The following ART3 variants were observed in gnomAD, a reference collection of about 807,000 sequenced individuals.
The protein encoded by ART3 is ecto-ADP-ribosyltransferase 3.
Under a neutral mutation model 48.5 loss-of-function variants are expected in ART3, and 49 were observed. The observed-to-expected ratio is 1.01, with a 90% CI of 0.80 to 1.28. ART3 has a LOEUF of 1.28. Among genes scored for constraint, ART3 ranks in the 50% most tolerant of loss-of-function variants. The pLI, the probability that ART3 is intolerant of heterozygous loss-of-function variation, is 0.00. For synonymous variants in ART3, 145 were observed against 157.2 expected, an observed-to-expected ratio of 0.92 and a Z score of 0.58; for missense variants, 438 against 454.3, an observed-to-expected ratio of 0.96 and a Z score of 0.33.
chr4:76,066,313 GGAA>G (rs1325767038), intron 1 of ART3, among the ~76,000 whole-genome samples: 5 of 152,112 alleles, frequency 3.3e-5, no homozygotes, highest in South Asian at 2.1e-4. Flanking sequence ...TGAAGGGTGA[GGAA>G]GAAGAAGAGG....
chr4:76,063,688 G>A (rs937095037), intron 1 of ART3, among the ~76,000 whole-genome samples: 4 of 152,074 alleles, frequency 2.6e-5, no homozygotes. Flanking sequence ...CAGAGACTCG[G>A]AGAACATAAA....
intron 3 of ART3, among the ~76,000 whole-genome samples, chr4:76,090,811 A>G (rs1578520134): frequency 6.6e-6 from 1 of 152,360 alleles, no homozygotes; most frequent in East Asian, 1.9e-4. Context: ...ATATATGTAT[A>G]TGCCAATGAA....
intron 3 of ART3, among the ~76,000 whole-genome samples, chr4:76,088,857 G>T (rs1332326191): frequency 1.3e-5 from 2 of 152,070 alleles, no homozygotes; most frequent in Non-Finnish European, 2.9e-5. Flanking sequence ...GTCAGACACT[G>T]GGTGAACTAC....
At chr4:76,053,752 C>A (rs1461523529) in intron 1 of ART3, among the ~76,000 whole-genome samples, 12 of 152,124 alleles carry the variant, frequency 7.9e-5, no homozygotes, top group Admixed American at 7.9e-4. Flanking sequence ...ATAGACTAAC[C>A]CTCTTTTCCA....
intron 1 of ART3, among the ~76,000 whole-genome samples, chr4:76,024,594 G>A (rs1733199212): frequency 1.3e-5 from 2 of 152,186 alleles, no homozygotes; most frequent in South Asian, 4.1e-4. Context: ...GAACCTGAGA[G>A]TGGAAATTTA....
intron 1 of ART3, among the ~76,000 whole-genome samples, chr4:76,039,103 CTT>C (rs11422213): frequency 3.5e-5 from 5 of 142,240 alleles, no homozygotes; most frequent in Non-Finnish European, 3.1e-5. Flanking sequence ...AATAATAGTA[CTT>C]TTTTTTTTTT....
upstream of ART3, among the ~76,000 whole-genome samples, chr4:76,073,998 A>T (rs7692605): frequency 0.12 from 17,507 of 152,144 alleles, 1,225 homozygotes; most frequent in African/African-American, 0.19. Context: ...ACATTCTATT[A>T]ATGTATTTTG....
intron 3 of ART3, among the ~76,000 whole-genome samples, chr4:76,094,122 C>T (rs899432448): frequency 6.6e-6 from 1 of 152,156 alleles, no homozygotes; most frequent in African/African-American, 2.4e-5. Context: ...AAGAAGAAAG[C>T]CTTTACCAGA....
chr4:76,040,437 T>TACACACACACACACACGCACAC (rs1553926410), intron 1 of ART3, among the ~76,000 whole-genome samples: 1 of 88,484 alleles, frequency 1.1e-5, no homozygotes, highest in African/African-American at 4.5e-5. Flanking sequence ...ATACACTGGA[T>TACACACACACACACACGCACAC]ACACACACAC....
At position 76,088,767 on chromosome 4, in the gene ART3, C is replaced by T. The variant is rs1267691577; in HGVS notation, c.781+6232C>T. On this transcript the variant is annotated intron_variant, in intron 3 of 11. Transcript: ENST00000355810. The stretch of plus-strand genomic sequence containing the variant: ...ACTTCTAAACAGTGGCTGAAATGTC[C>T]CTGAATGCTATAGCAAATTCACCAG... Among the ~76,000 whole-genome samples, 4 of 151,992 alleles carry T rather than the reference C, an allele frequency of 2.6e-5. No individual in the cohort carries two copies. The East Asian group carries it at 5.8e-4, about 22-fold the overall frequency.
chr4:76,104,407 G>A (rs1578607779), intron 9 of ART3, 190 bp from the exon 10 acceptor site: 6 of 985,426 alleles, frequency 6.1e-6, no homozygotes, highest in Non-Finnish European at 6.0e-6. Context: ...TATGGCAGAA[G>A]ACTCCTCTAA....
At chr4:76,076,249 C>T (rs1299657842) in intron 2 of ART3, among the ~76,000 whole-genome samples, 1 of 152,094 alleles carries the variant, frequency 6.6e-6, no homozygotes, top group East Asian at 1.9e-4. Context: ...CATGATCCGC[C>T]CACCTCGACC....
chr4:76,110,027 T>C (rs1729185045), intron 11 of ART3, among the ~76,000 whole-genome samples: 1 of 152,214 alleles, frequency 6.6e-6, no homozygotes, highest in African/African-American at 2.4e-5. Flanking sequence ...ATCCTGTGGA[T>C]GGACTCCACT....
intron 1 of ART3, among the ~76,000 whole-genome samples, chr4:76,020,098 TACTC>T (rs907487910): frequency 5.3e-5 from 8 of 151,994 alleles, no homozygotes; most frequent in African/African-American, 1.9e-4. Context: ...GTGAAATTCT[TACTC>T]ACTTCTGTTT....
intron 1 of ART3, chr4:76,021,348 T>C (rs907998142): frequency 6.6e-6 from 1 of 152,522 alleles, no homozygotes; most frequent in Non-Finnish European, 1.5e-5. Context: ...ATAGGAAATA[T>C]ATACATCTAA....
intron 1 of ART3, among the ~76,000 whole-genome samples, chr4:76,066,834 C>T (rs1346223617): frequency 2.6e-5 from 4 of 152,172 alleles, no homozygotes; most frequent in Non-Finnish European, 4.4e-5. Context: ...GACGCCCAGG[C>T]TCAGCCTGAC....
Position 76,089,210 on chromosome 4 carries a change from C to T in ART3, c.781+6675C>T, listed in dbSNP as rs564455032. Among the ~76,000 whole-genome samples the T allele has an allele frequency of 2.0e-5, 3 of 152,240 alleles. No homozygotes were observed. The East Asian group carries it at 5.8e-4, about 29-fold the overall frequency. ...GTACTATCTCATTTCCTGTTCCACA[C>T]TGATTTTCACATATACTTGCTTTTT... On this transcript the variant is annotated intron_variant, in intron 3 of 11. Transcript: ENST00000355810.
intron 2 of ART3, among the ~76,000 whole-genome samples, chr4:76,078,840 G>C (rs919662821): frequency 2.0e-5 from 3 of 152,168 alleles, no homozygotes; most frequent in Admixed American, 1.3e-4. Flanking sequence ...CAGCACTTTG[G>C]GAGGCCGAGA....
chr4:76,053,735 T>A (rs1269943263), intron 1 of ART3, among the ~76,000 whole-genome samples: 1 of 152,202 alleles, frequency 6.6e-6, no homozygotes, highest in Non-Finnish European at 1.5e-5. Flanking sequence ...TTCTGCCAGC[T>A]CATTGAATAG....
Sources: gnomAD v4.1 joint callset for allele counts (sites outside exome capture counted in the v4.1 genomes callset) on GRCh38, gnomAD v4.1.1 for gene constraint, MANE v1.5 for transcripts, NCBI Gene and HGNC (gene_info 2026-07-23, HGNC 2026-07-21) for gene names.